Variants in LMBRD1 observed in about 807,000 individuals in gnomAD.
The protein encoded by LMBRD1 is LMBR1 domain containing 1, also known as lysosomal cobalamin transport escort protein LMBD1.
Under a neutral mutation model 74.8 loss-of-function variants are expected in LMBRD1, and 64 were observed. The ratio of observed to expected loss-of-function variants is 0.86; its 90% CI spans 0.70 to 1.05. The LOEUF is 1.05. Ranked by LOEUF, LMBRD1 falls within the 50% of genes least tolerant of loss-of-function variation. The probability of loss-of-function intolerance (pLI) is 0.00; values close to 1 mark genes in which losing one functional copy is unlikely to be tolerated. For missense variants in LMBRD1, 652 were observed against 645.9 expected (o/e 1.01, Z -0.10); for synonymous variants, 204 against 216.3 (o/e 0.94, Z 0.50).
chr6:69,694,974 T>C (rs1344231583), intron 14 of LMBRD1, among the ~76,000 whole-genome samples: 1 of 152,164 alleles, frequency 6.6e-6, no homozygotes, highest in Non-Finnish European at 1.5e-5. Flanking sequence ...GCTCATCCTT[T>C]ATAGCCAGTT....
intron 5 of LMBRD1, among the ~76,000 whole-genome samples, chr6:69,747,709 C>T (rs1337143110): frequency 1.3e-5 from 2 of 152,184 alleles, no homozygotes; most frequent in Non-Finnish European, 2.9e-5. Context: ...GGACAGAGAC[C>T]ATGGTCCTCT....
At chr6:69,678,386 G>C (rs1370146743) in intron 14 of LMBRD1, among the ~76,000 whole-genome samples, 1 of 151,940 alleles carries the variant, frequency 6.6e-6, no homozygotes, top group East Asian at 1.9e-4. Context: ...TGGAAGAGGT[G>C]AAGGAAGTAG....
At chr6:69,778,512 A>G (rs908770986) in intron 3 of LMBRD1, among the ~76,000 whole-genome samples, 6 of 152,366 alleles carry the variant, frequency 3.9e-5, no homozygotes, top group Admixed American at 2.6e-4. Context: ...GGATTAGTCC[A>G]ATGGCCTCTA....
rs373376106 is a variant in LMBRD1 at position 69,708,729 on chromosome 6, CATA to C, written c.915+4913_915+4915del. ...GCAAAAATTTAAATTTAATTCATTT[CATA>C]ATAAGACAAACATGAATTATAGTAG... On this transcript the variant is annotated intron_variant, in intron 9 of 15. Coordinates refer to ENST00000649934, the MANE Select transcript of LMBRD1 (RefSeq NM_018368.4). Among the ~76,000 whole-genome samples the C allele has an allele frequency of 5.3e-4, 81 of 151,776 alleles. 1 individual carries two copies. The highest frequency in any genetic ancestry group is 1.8e-3 in the African/African-American group (76 of 41,386).
At chr6:69,682,685 T>C (rs1285618687) in intron 14 of LMBRD1, among the ~76,000 whole-genome samples, 1 of 152,016 alleles carries the variant, frequency 6.6e-6, no homozygotes, top group African/African-American at 2.4e-5. Context: ...AAAGCAATTG[T>C]CTTCTATTAC....
intron 4 of LMBRD1, among the ~76,000 whole-genome samples, chr6:69,751,462 G>A (rs985241028): frequency 3.3e-5 from 5 of 152,122 alleles, no homozygotes; most frequent in African/African-American, 1.2e-4. Flanking sequence ...GAGTAGCTGG[G>A]ATTACAGGCC....
chr6:69,788,063 C>A (rs1765995986), intron 2 of LMBRD1, among the ~76,000 whole-genome samples: 1 of 152,124 alleles, frequency 6.6e-6, no homozygotes, highest in Non-Finnish European at 1.5e-5. Context: ...CTAATTTAAG[C>A]ATGTGCTCAA....
intron 5 of LMBRD1, 101 bp downstream of exon 5, chr6:69,749,240 A>AT: frequency 1.1e-6 from 1 of 907,808 alleles, no homozygotes; most frequent in Non-Finnish European, 1.7e-6. Flanking sequence ...TTTTTCTTAC[A>AT]TTTTTTTCTT....
At position 69,699,209 on chromosome 6, in the gene LMBRD1, G is replaced by C; in HGVS notation, c.1189-17C>G. On this transcript the variant is annotated splice_polypyrimidine_tract_variant and intron_variant, in intron 12 of 15. Coordinates refer to ENST00000649934, the MANE Select transcript of LMBRD1 (RefSeq NM_018368.4). The stretch of plus-strand genomic sequence containing the variant: ...TTTATATAACTGGAAAGAAAAGAGT[G>C]ACAAAATTTCAGCAATATATTTCAT... The C allele has an allele frequency of 6.2e-7, 1 of 1,607,064 alleles. No individual in the cohort carries two copies. Among genetic ancestry groups the C allele is most frequent in the Non-Finnish European group, 8.5e-7 (1 of 1,174,386 alleles).
chr6:69,774,612 T>C (rs1765648698), intron 3 of LMBRD1, among the ~76,000 whole-genome samples: 1 of 151,928 alleles, frequency 6.6e-6, no homozygotes, highest in African/African-American at 2.4e-5. Context: ...AAAAATAAAT[T>C]TGAAATAAAA....
intron 5 of LMBRD1, 68 bp downstream of exon 5, chr6:69,749,273 C>CTTTTTTTTTTTTTT (rs199958945): frequency 8.1e-7 from 1 of 1,236,568 alleles, no homozygotes; most frequent in African/African-American, 1.7e-5. Flanking sequence ...CTGAATGATC[C>CTTTTTTTTTTTTTT]TTTTATTTTT....
chr6:69,725,031 C>T (rs561943014), intron 7 of LMBRD1, among the ~76,000 whole-genome samples: 1 of 152,072 alleles, frequency 6.6e-6, no homozygotes, highest in South Asian at 2.1e-4. Flanking sequence ...GATACAAAAT[C>T]AACATACAAA....
intron 14 of LMBRD1, among the ~76,000 whole-genome samples, chr6:69,680,730 C>T (rs1765642294): frequency 6.6e-6 from 1 of 152,060 alleles, no homozygotes; most frequent in Non-Finnish European, 1.5e-5. Context: ...CATCTTTATA[C>T]ATATATATCA....
At chr6:69,795,036 C>T (rs545483835) in intron 1 of LMBRD1, among the ~76,000 whole-genome samples, 3 of 152,322 alleles carry the variant, frequency 2.0e-5, no homozygotes, top group Non-Finnish European at 2.9e-5. Flanking sequence ...GAAAAACGCT[C>T]CTCTGTTTCT....
chr6:69,741,693 T>A, intron 6 of LMBRD1, 96 bp downstream of exon 6: 1 of 744,568 alleles, frequency 1.3e-6, no homozygotes, highest in Non-Finnish European at 2.3e-6. Flanking sequence ...CCAGCTGGGG[T>A]TAAATTCTTA....
intron 2 of LMBRD1, among the ~76,000 whole-genome samples, chr6:69,786,486 CTT>C (rs11407086): frequency 6.8e-6 from 1 of 147,468 alleles, no homozygotes; most frequent in Admixed American, 6.8e-5. Context: ...GTGTCGATTT[CTT>C]TTTTTTTTTA....
At chr6:69,716,876 A>G (rs1044835713) in intron 8 of LMBRD1, among the ~76,000 whole-genome samples, 6 of 150,778 alleles carry the variant, frequency 4.0e-5, no homozygotes, top group Non-Finnish European at 8.9e-5. Context: ...TATTAAATAA[A>G]TATTTAATTA....
At chr6:69,736,214 CT>C (rs1253218134) in intron 7 of LMBRD1, among the ~76,000 whole-genome samples, 1 of 151,700 alleles carries the variant, frequency 6.6e-6, no homozygotes, top group East Asian at 1.9e-4. Context: ...CGACCCACCA[CT>C]TTTTTTTTCT....
intron 7 of LMBRD1, among the ~76,000 whole-genome samples, chr6:69,734,985 AC>A (rs1766942570): frequency 6.6e-6 from 1 of 152,196 alleles, no homozygotes; most frequent in Admixed American, 6.5e-5. Flanking sequence ...CTACCACCAC[AC>A]AGTTCAAAAA....
Sources: gnomAD v4.1 joint callset for allele counts (sites outside exome capture counted in the v4.1 genomes callset) on GRCh38, gnomAD v4.1.1 for gene constraint, MANE v1.5 for transcripts, NCBI Gene and HGNC (gene_info 2026-07-23, HGNC 2026-07-21) for gene names.